The following TXNRD1 variants were observed in gnomAD, a reference collection of about 807,000 sequenced individuals.
The protein encoded by TXNRD1 is thioredoxin reductase 1, cytoplasmic.
Under a neutral mutation model 80.3 loss-of-function variants are expected in TXNRD1, and 57 were observed. The ratio of observed to expected loss-of-function variants is 0.71; its 90% CI spans 0.57 to 0.89. The LOEUF (loss-of-function observed/expected upper bound fraction) is 0.89, where lower values mean the gene tolerates loss of function less well. Ranked by LOEUF, TXNRD1 falls within the 40% of genes least tolerant of loss-of-function variation. The probability of loss-of-function intolerance (pLI) is 0.00; values close to 1 mark genes in which losing one functional copy is unlikely to be tolerated. For synonymous variants in TXNRD1, 291 were observed against 285.2 expected (o/e 1.02, Z -0.20); for missense variants, 730 against 803.0 (o/e 0.91, Z 1.10).
At chr12:104,315,737 G>A in intron 6 of TXNRD1, 40 bp from the exon 7 acceptor site, 1 of 1,587,118 alleles carries the variant, frequency 6.3e-7, no homozygotes, top group Non-Finnish European at 8.6e-7. Context: ...TGTAAGGCTT[G>A]GAAAGCAGGT....
chr12:104,220,740 CGGT>C (rs1411435621), intron 1 of TXNRD1, among the ~76,000 whole-genome samples: 1 of 31,902 alleles, frequency 3.1e-5, no homozygotes, highest in Non-Finnish European at 5.7e-5. Context: ...AAAAAAAAAA[CGGT>C]GGGGGGGAGG....
At chr12:104,254,641 A>AAAT (rs1555207860) in intron 2 of TXNRD1, among the ~76,000 whole-genome samples, 2 of 129,590 alleles carry the variant, frequency 1.5e-5, no homozygotes, top group African/African-American at 6.3e-5. Context: ...AAAAAAAAAA[A>AAAT]AAAATATATA....
intron 1 of TXNRD1, among the ~76,000 whole-genome samples, chr12:104,237,010 A>G (rs2032752495): frequency 6.9e-6 from 1 of 145,516 alleles, no homozygotes; most frequent in African/African-American, 2.5e-5. Flanking sequence ...GGAGAAAAAC[A>G]GAGGAGGCAT....
intron 13 of TXNRD1, among the ~76,000 whole-genome samples, chr12:104,329,144 T>G (rs750130850): frequency 2.0e-4 from 31 of 152,302 alleles, no homozygotes; most frequent in Non-Finnish European, 2.2e-4. Context: ...GACTGATTAT[T>G]GAGGGAATAG....
chr12:104,269,310 A>C (rs2033602843), intron 3 of TXNRD1, among the ~76,000 whole-genome samples: 1 of 152,014 alleles, frequency 6.6e-6, no homozygotes, highest in Non-Finnish European at 1.5e-5. Context: ...TCATCCATTC[A>C]AATTTTACAT....
intron 1 of TXNRD1, among the ~76,000 whole-genome samples, chr12:104,216,155 A>G (rs1213827662): frequency 1.3e-5 from 2 of 152,246 alleles, no homozygotes; most frequent in African/African-American, 2.4e-5. Context: ...GCCCGCCGCG[A>G]GGACCTGCCC....
At chr12:104,297,972 A>C (rs1311494895) in intron 4 of TXNRD1, among the ~76,000 whole-genome samples, 1 of 152,188 alleles carries the variant, frequency 6.6e-6, no homozygotes, top group African/African-American at 2.4e-5. Context: ...AGGCTTGGCA[A>C]GTCAGCCAGC....
At chr12:104,331,671 T>G in intron 14 of TXNRD1, 30 bp downstream of exon 14, 1 of 1,416,038 alleles carries the variant, frequency 7.1e-7, no homozygotes, top group Non-Finnish European at 9.8e-7. Flanking sequence ...TCTCCTATGT[T>G]ATATCACTAC....
chr12:104,267,246 T>TCTTTCTTTCTTTCTTTCTTC (rs2033518524), intron 3 of TXNRD1, among the ~76,000 whole-genome samples: 1 of 124,016 alleles, frequency 8.1e-6, no homozygotes, highest in Non-Finnish European at 1.6e-5. Context: ...CTTTTCTCTT[T>TCTTTCTTTCTTTCTTTCTTC]CTTTCTTTCT....
At chr12:104,283,320 C>T (rs749014666) in intron 3 of TXNRD1, among the ~76,000 whole-genome samples, 19 of 151,950 alleles carry the variant, frequency 1.3e-4, no homozygotes, top group Non-Finnish European at 2.4e-4. Flanking sequence ...GGCATGATCT[C>T]GGCTCACCGC....
chr12:104,320,044 C>T (rs2035472836), intron 9 of TXNRD1, among the ~76,000 whole-genome samples: 1 of 152,182 alleles, frequency 6.6e-6, no homozygotes, highest in South Asian at 2.1e-4. Context: ...TTAGATTTAT[C>T]AGAATCTAGA....
At chr12:104,255,527 A>C (rs1243580097) in intron 2 of TXNRD1, among the ~76,000 whole-genome samples, 3 of 152,112 alleles carry the variant, frequency 2.0e-5, no homozygotes, top group Non-Finnish European at 4.4e-5. Flanking sequence ...GCCCGAGCGC[A>C]GTGACTCACA....
chr12:104,300,015 CA>C (rs2034568555), intron 4 of TXNRD1, among the ~76,000 whole-genome samples: 1 of 152,070 alleles, frequency 6.6e-6, no homozygotes, highest in Non-Finnish European at 1.5e-5. Context: ...GCTTTGGCTC[CA>C]AAAAGTCTCT....
At chr12:104,313,371 C>A in intron 6 of TXNRD1, 54 bp downstream of exon 6, 1 of 1,394,290 alleles carries the variant, frequency 7.2e-7, no homozygotes, top group Non-Finnish European at 9.8e-7. Context: ...TTTCCCCTGG[C>A]AATAATCTAA....
chr12:104,246,176 C>G (rs913966682), intron 1 of TXNRD1, among the ~76,000 whole-genome samples: 18 of 147,458 alleles, frequency 1.2e-4, no homozygotes, highest in Non-Finnish European at 8.9e-5. Flanking sequence ...ACCTGTAATC[C>G]CAGCGCTTTG....
At chr12:104,270,666 A>G (rs555184458) in intron 3 of TXNRD1, among the ~76,000 whole-genome samples, 12 of 152,258 alleles carry the variant, frequency 7.9e-5, no homozygotes, top group Non-Finnish European at 1.5e-4. Context: ...CCATTATTTG[A>G]TAGTAGTGAC....
intron 3 of TXNRD1, among the ~76,000 whole-genome samples, chr12:104,260,757 T>G (rs7296260): frequency 0.12 from 18,726 of 152,216 alleles, 1,326 homozygotes; most frequent in African/African-American, 0.18. Context: ...CTGGGAAACT[T>G]AAGTCACTTG....
intron 10 of TXNRD1, among the ~76,000 whole-genome samples, chr12:104,323,754 C>T (rs1427452419): frequency 9.2e-5 from 11 of 119,124 alleles, no homozygotes; most frequent in East Asian, 2.9e-4. Flanking sequence ...TAGGGGCGGC[C>T]GGGCAGAGGC....
intron 1 of TXNRD1, among the ~76,000 whole-genome samples, chr12:104,240,868 G>C (rs777134238): frequency 4.7e-5 from 7 of 147,610 alleles, no homozygotes; most frequent in Non-Finnish European, 1.0e-4. Context: ...TCAGCCTCCT[G>C]AGTAGCTGGG....
Sources: gnomAD v4.1 joint callset for allele counts (sites outside exome capture counted in the v4.1 genomes callset) on GRCh38, gnomAD v4.1.1 for gene constraint, MANE v1.5 for transcripts, NCBI Gene and HGNC (gene_info 2026-07-23, HGNC 2026-07-21) for gene names.